TCTN3: variants seen among roughly 807,000 people sequenced by gnomAD.
TCTN3 encodes the protein tectonic family member 3.
TCTN3 carries 57 observed loss-of-function variants against 71.3 expected under a neutral mutation model. The ratio of observed to expected loss-of-function variants is 0.80; its 90% CI spans 0.65 to 1.00. The LOEUF (loss-of-function observed/expected upper bound fraction) is 1.00. Ranked by LOEUF, TCTN3 falls within the 50% of genes least tolerant of loss-of-function variation. The pLI, the probability that TCTN3 is intolerant of heterozygous loss-of-function variation, is 0.00. For synonymous variants in TCTN3, 258 were observed against 267.8 expected, an observed-to-expected ratio of 0.96 and a Z score of 0.36; for missense variants, 696 against 719.9, an observed-to-expected ratio of 0.97 and a Z score of 0.38.
At chr10:95,688,097 T>C (rs987244296) in intron 3 of TCTN3, among the ~76,000 whole-genome samples, 5 of 151,964 alleles carry the variant, frequency 3.3e-5, no homozygotes, top group Non-Finnish European at 7.4e-5. Context: ...GTAATGAAAA[T>C]AGGAAGCTCA....
chr10:95,686,542 G>C lies in TCTN3; in HGVS notation c.853-12C>G. 1 of 1,613,996 alleles carries C rather than the reference G, an allele frequency of 6.2e-7. No homozygotes were observed. Among genetic ancestry groups the C allele is most frequent in the Non-Finnish European group, 8.5e-7 (1 of 1,179,916 alleles). On this transcript the variant is annotated splice_polypyrimidine_tract_variant and intron_variant, in intron 6 of 13. Coordinates refer to ENST00000371217, the MANE Select transcript of TCTN3 (RefSeq NM_015631.6). The stretch of plus-strand genomic sequence containing the variant: ...ATGCTTCTTGGAACCTAGGAGAACA[G>C]CAGGGACATGAATGTGCATATACCT...
chr10:95,688,388 CAAAAAAAAGA>C (rs2097950499), intron 3 of TCTN3, among the ~76,000 whole-genome samples: 4 of 43,792 alleles, frequency 9.1e-5, no homozygotes, highest in Non-Finnish European at 1.2e-4. Flanking sequence ...GAAACTCTGT[CAAAAAAAAGA>C]AAAAAAAAAA....
At position 95,683,089 on chromosome 10, in the gene TCTN3, G is replaced by A. The variant is rs199595065; in HGVS notation, c.1298+12C>T. ...CGAAATTGCAGGAAATGATGCGGAA[G>A]CAAAGAACTACCTGAGCTTGCATCC... On this transcript the variant is annotated intron_variant, in intron 11 of 13. Coordinates refer to ENST00000371217, the MANE Select transcript of TCTN3 (RefSeq NM_015631.6). 29 of 1,609,364 alleles carry A rather than the reference G, an allele frequency of 1.8e-5. No individual in the cohort carries two copies. Among genetic ancestry groups the A allele is most frequent in the Non-Finnish European group, 2.4e-5 (28 of 1,176,724 alleles).
intron 13 of TCTN3, among the ~76,000 whole-genome samples, chr10:95,679,289 C>T (rs1227589610): frequency 6.6e-5 from 10 of 152,192 alleles, no homozygotes; most frequent in Admixed American, 6.5e-4. Flanking sequence ...GGGTATCTTT[C>T]CAAACAACAC....
intron 13 of TCTN3, among the ~76,000 whole-genome samples, chr10:95,672,782 T>C (rs2097932975): frequency 7.0e-6 from 1 of 143,084 alleles, no homozygotes; most frequent in Non-Finnish European, 1.5e-5. Flanking sequence ...AATCTCTGCC[T>C]CCCAGGTTCA....
chr10:95,679,066 C>G (rs10882651), intron 13 of TCTN3, among the ~76,000 whole-genome samples: 3 of 151,938 alleles, frequency 2.0e-5, no homozygotes, highest in African/African-American at 7.3e-5. Flanking sequence ...GAATGAAGCA[C>G]AGCTAAAATT....
At chr10:95,671,564 A>G (rs961866755) in intron 13 of TCTN3, among the ~76,000 whole-genome samples, 3 of 152,252 alleles carry the variant, frequency 2.0e-5, no homozygotes, top group Non-Finnish European at 2.9e-5. Flanking sequence ...AAAACTATTA[A>G]AGAAAAAATT....
chr10:95,672,384 T>G (rs2097932547), intron 13 of TCTN3, among the ~76,000 whole-genome samples: 1 of 152,154 alleles, frequency 6.6e-6, no homozygotes, highest in Non-Finnish European at 1.5e-5. Context: ...AAGCCTTTTT[T>G]GGGGCATATG....
intron 6 of TCTN3, 86 bp downstream of exon 6, chr10:95,686,958 T>A: frequency 8.4e-7 from 1 of 1,197,164 alleles, no homozygotes; most frequent in Non-Finnish European, 1.2e-6. Flanking sequence ...TTTTATTCAA[T>A]GCTCTTTCCA....
At chr10:95,692,675 AC>A (rs1341635252) in intron 3 of TCTN3, among the ~76,000 whole-genome samples, 3 of 152,140 alleles carry the variant, frequency 2.0e-5, no homozygotes, top group Non-Finnish European at 4.4e-5. Context: ...CCAACCTGCA[AC>A]CCACCGGCCG....
At chr10:95,682,526 C>CTT (rs2097944000) in intron 12 of TCTN3, 125 bp downstream of exon 12, 3 of 1,184,408 alleles carry the variant, frequency 2.5e-6, no homozygotes, top group Non-Finnish European at 3.5e-6. Context: ...GGCATGATTT[C>CTT]TTATACTCTT....
At chr10:95,685,722 A>G in intron 7 of TCTN3, 86 bp from the exon 8 acceptor site, 1 of 1,087,382 alleles carries the variant, frequency 9.2e-7, no homozygotes, top group Non-Finnish European at 1.3e-6. Flanking sequence ...TAAGATGAGT[A>G]TTTTTCCTTC....
intron 1 of TCTN3, 28 bp from the exon 2 acceptor site, chr10:95,693,504 G>A (rs766404554): frequency 9.7e-6 from 15 of 1,551,914 alleles, no homozygotes; most frequent in Non-Finnish European, 1.3e-5. Flanking sequence ...AGAGTGAGTG[G>A]GATGAAGATC....
chr10:95,671,248 G>A (rs762217237), intron 13 of TCTN3, among the ~76,000 whole-genome samples: 1 of 152,132 alleles, frequency 6.6e-6, no homozygotes, highest in African/African-American at 2.4e-5. Flanking sequence ...GTCCAGTTCT[G>A]TTATGTATGG....
At chr10:95,678,507 TG>T (rs1449827938) in intron 13 of TCTN3, among the ~76,000 whole-genome samples, 1 of 138,748 alleles carries the variant, frequency 7.2e-6, no homozygotes, top group African/African-American at 2.7e-5. Context: ...TACTCCAGGC[TG>T]GGAAACAAGA....
chr10:95,666,306 G>C (rs1466748883), intron 13 of TCTN3, among the ~76,000 whole-genome samples: 1 of 150,098 alleles, frequency 6.7e-6, no homozygotes, highest in African/African-American at 2.5e-5. Context: ...TATAACTTCT[G>C]AGGCACTGAA....
Position 95,687,104 on chromosome 10 carries a change from A to G in TCTN3, c.792T>C (p.Ser264=), listed in dbSNP as rs372716466. The part of the protein sequence containing the change: ...TCTRFFKNLA[S]SCTLDSALNA... ...TGAGGGCTGAATCCAAGGTACAGCT[A>G]CTAGCCAGGTTCTTGAAAAAACGAG... is the stretch of plus-strand genomic sequence containing the variant. The change falls in exon 6 of 14, where the codon AGT becomes AGC. Residue 264 remains serine (S), a synonymous_variant. Coordinates refer to ENST00000371217, the MANE Select transcript of TCTN3 (RefSeq NM_015631.6). The G allele has an allele frequency of 1.2e-6, 2 of 1,614,132 alleles. No homozygotes were observed. The highest frequency in any genetic ancestry group is 2.7e-5 in the African/African-American group (2 of 74,952).
At chr10:95,688,283 A>G (rs1231858438) in intron 3 of TCTN3, among the ~76,000 whole-genome samples, 1 of 150,938 alleles carries the variant, frequency 6.6e-6, no homozygotes, top group Non-Finnish European at 1.5e-5. Flanking sequence ...CCAGCTACTC[A>G]GGAGGCTAAG....
At chr10:95,668,551 T>C (rs1205610513) in intron 13 of TCTN3, among the ~76,000 whole-genome samples, 1 of 152,138 alleles carries the variant, frequency 6.6e-6, no homozygotes, top group African/African-American at 2.4e-5. Context: ...AACCAAATGA[T>C]CATTTAAGCA....
Sources: allele counts gnomAD v4.1 joint callset (sites outside exome capture counted in the v4.1 genomes callset), GRCh38; gene constraint gnomAD v4.1.1; transcripts MANE v1.5; gene names NCBI Gene and HGNC (gene_info 2026-07-23, HGNC 2026-07-21).